The following CCDC171 variants were observed in gnomAD, a reference collection of about 807,000 sequenced individuals.
CCDC171 encodes coiled-coil domain-containing protein 171.
CCDC171 carries 177 observed loss-of-function variants against 168.2 expected under a neutral mutation model. That is an observed-to-expected ratio of 1.05 (90% CI 0.93 to 1.19). The LOEUF (loss-of-function observed/expected upper bound fraction) is 1.19. CCDC171 is among the 50% of genes most tolerant of loss of function. The pLI is 0.00. For missense variants in CCDC171, 1,991 were observed against 1,539.0 expected (o/e 1.29, Z -4.91); for synonymous variants, 687 against 540.8 (o/e 1.27, Z -3.75).
chr9:15,565,830 C>G (rs1460101976), intron 2 of CCDC171, among the ~76,000 whole-genome samples: 1 of 152,166 alleles, frequency 6.6e-6, no homozygotes, highest in Non-Finnish European at 1.5e-5. Context: ...TTGCATATGT[C>G]TTTGTGTTGA....
At chr9:15,676,495 A>C (rs766316240) in intron 9 of CCDC171, among the ~76,000 whole-genome samples, 4 of 151,374 alleles carry the variant, frequency 2.6e-5, no homozygotes, top group Non-Finnish European at 5.9e-5. Context: ...GGAGCTGCAG[A>C]CTGGAGCTGT....
chr9:15,958,275 AT>A (rs1210131612), intron 25 of CCDC171, among the ~76,000 whole-genome samples: 1 of 152,132 alleles, frequency 6.6e-6, no homozygotes, highest in Non-Finnish European at 1.5e-5. Context: ...AGCCAGCACT[AT>A]TCATTAGAAC....
At chr9:15,919,869 A>G (rs1234496525) in intron 24 of CCDC171, among the ~76,000 whole-genome samples, 1 of 151,694 alleles carries the variant, frequency 6.6e-6, no homozygotes, top group Admixed American at 6.6e-5. Flanking sequence ...TAAAAATTTT[A>G]CTAACTCAGC....
At chr9:15,985,535 C>T (rs1831958595) in intron 3 of CCDC171, among the ~76,000 whole-genome samples, 1 of 151,982 alleles carries the variant, frequency 6.6e-6, no homozygotes, top group Non-Finnish European at 1.5e-5. Flanking sequence ...CCTATTGTTA[C>T]ACTACCTTAC....
intron 23 of CCDC171, among the ~76,000 whole-genome samples, chr9:15,865,574 A>G (rs1406911541): frequency 6.6e-6 from 1 of 151,938 alleles, no homozygotes; most frequent in East Asian, 1.9e-4. Context: ...TTTTATGATG[A>G]TCCACTTCCA....
At chr9:16,044,971 CTT>C (rs1322000644) in intron 1 of CCDC171, among the ~76,000 whole-genome samples, 1 of 152,184 alleles carries the variant, frequency 6.6e-6, no homozygotes, top group East Asian at 1.9e-4. Flanking sequence ...GGTCTCTGCT[CTT>C]TTTAGCGTTA....
chr9:15,995,775 C>T (rs904527430), intron 3 of CCDC171, among the ~76,000 whole-genome samples: 15 of 152,154 alleles, frequency 9.9e-5, no homozygotes, highest in South Asian at 4.1e-4. Context: ...TGTCTGCAAC[C>T]GGTCTGTTGA....
intron 10 of CCDC171, among the ~76,000 whole-genome samples, chr9:15,689,155 AAAG>A (rs1431082151): frequency 1.3e-5 from 2 of 152,260 alleles, no homozygotes; most frequent in Admixed American, 6.5e-5. Context: ...TAATTTGACA[AAAG>A]AAGCATAAAA....
At chr9:15,856,503 A>G (rs73422714) in intron 23 of CCDC171, among the ~76,000 whole-genome samples, 12,960 of 151,988 alleles carry the variant, frequency 0.085, 1,533 homozygotes, top group African/African-American at 0.26. Context: ...GTTGTATTTC[A>G]TAAGATTTCC....
intron 20 of CCDC171, among the ~76,000 whole-genome samples, chr9:15,780,227 A>G (rs1384737091): frequency 6.6e-6 from 1 of 152,186 alleles, no homozygotes; most frequent in Admixed American, 6.5e-5. Flanking sequence ...CTTAAGCCAT[A>G]GGTTTCTTTT....
intron 21 of CCDC171, among the ~76,000 whole-genome samples, chr9:15,844,242 C>A (rs1312010083): frequency 1.3e-5 from 2 of 151,684 alleles, no homozygotes; most frequent in Non-Finnish European, 2.9e-5. Context: ...TCAATCTGAA[C>A]AGGAGAAAAG....
At chr9:15,642,749 G>T (rs1451618807) in intron 7 of CCDC171, among the ~76,000 whole-genome samples, 1 of 151,994 alleles carries the variant, frequency 6.6e-6, no homozygotes, top group Non-Finnish European at 1.5e-5. Context: ...CATTTAAAAT[G>T]AGAAGTTGTG....
chr9:15,907,682 T>C (rs946099261), intron 24 of CCDC171, among the ~76,000 whole-genome samples: 10 of 152,186 alleles, frequency 6.6e-5, no homozygotes, highest in African/African-American at 2.2e-4. Flanking sequence ...CTGAAGAGCT[T>C]CTGCACAGCA....
rs1360733398 is a variant in CCDC171 at position 15,675,189 on chromosome 9, T to TG, written c.1077-3569_1077-3568insG. 9.4e-3 allele frequency among the ~76,000 whole-genome samples: 1,272 copies of TG among 135,594 alleles called. 17 individuals carry two copies. The highest frequency in any genetic ancestry group is 0.012 in the Non-Finnish European group (786 of 64,738). The allele number at this position is 135,594 out of a possible 152,430, so 89.0% of individuals were successfully genotyped here. A position where few individuals can be genotyped will look rare whatever the true frequency, so the allele number is the denominator to read the frequency against. ...CAGAGACTAGGATTGCAACTCCTGTTTTTTTTTTTTTTTTTTTTTGCTTTC... is the reference window on the plus strand; with the variant it reads ...CAGAGACTAGGATTGCAACTCCTGTTGTTTTTTTTTTTTTTTTTTTGCTTTC... On this transcript the variant is annotated intron_variant, in intron 9 of 25. Coordinates refer to ENST00000380701, the MANE Select transcript of CCDC171 (RefSeq NM_173550.4).
intron 3 of CCDC171, among the ~76,000 whole-genome samples, chr9:16,014,857 A>G (rs1344009870): frequency 6.6e-6 from 1 of 152,178 alleles, no homozygotes; most frequent in Non-Finnish European, 1.5e-5. Context: ...GAGCTCAGGC[A>G]GAGTAGATTT....
chr9:15,639,739 C>T (rs1056176223), intron 7 of CCDC171, among the ~76,000 whole-genome samples: 7 of 152,088 alleles, frequency 4.6e-5, no homozygotes, highest in African/African-American at 1.4e-4. Flanking sequence ...ATCAAGATGA[C>T]TGGCACAGAG....
chr9:15,565,135 T>C (rs961425817), intron 2 of CCDC171, among the ~76,000 whole-genome samples: 13 of 148,814 alleles, frequency 8.7e-5, no homozygotes, highest in African/African-American at 1.7e-4. Flanking sequence ...GTCGCCCAGA[T>C]TGGAGTGCAG....
At chr9:15,960,236 A>G (rs751155611) in intron 25 of CCDC171, among the ~76,000 whole-genome samples, 2 of 152,214 alleles carry the variant, frequency 1.3e-5, no homozygotes, top group African/African-American at 2.4e-5. Flanking sequence ...TTTAAGAAGA[A>G]CTGGATCAGG....
chr9:16,069,907 T>C, the CCDC171 span, among the ~76,000 whole-genome samples: 1 of 152,048 alleles, frequency 6.6e-6, no homozygotes, highest in Non-Finnish European at 1.5e-5. Context: ...GATTCTAACA[T>C]TGGATGTGAT....
Sources: allele counts gnomAD v4.1 joint callset (sites outside exome capture counted in the v4.1 genomes callset), GRCh38; gene constraint gnomAD v4.1.1; transcripts MANE v1.5; gene names NCBI Gene and HGNC (gene_info 2026-07-23, HGNC 2026-07-21).